UGT2B28: variants seen among roughly 807,000 people sequenced by gnomAD.
The protein encoded by UGT2B28 is UDP-glucuronosyltransferase 2B28.
UGT2B28 carries 45 observed loss-of-function variants against 43.6 expected under a neutral mutation model. That is an observed-to-expected ratio of 1.03 (90% CI 0.81 to 1.32). UGT2B28 has a LOEUF of 1.32. Among genes scored for constraint, UGT2B28 ranks in the 40% most tolerant of loss-of-function variants. The probability of loss-of-function intolerance (pLI) is 0.00; values close to 1 mark genes in which losing one functional copy is unlikely to be tolerated. For missense variants in UGT2B28, 649 were observed against 625.5 expected (o/e 1.04, Z -0.40); for synonymous variants, 204 against 208.1 (o/e 0.98, Z 0.17).
chr4:69,286,763 A>G lies in UGT2B28; in HGVS notation c.882A>G (p.Glu294=), dbSNP rs141618560. 2.7e-5 allele frequency: 42 copies of G among 1,553,956 alleles called. 6 individuals carry two copies. Among genetic ancestry groups the G allele is most frequent in the East Asian group, 1.6e-4 (7 of 43,432 alleles). ...PAKPLPKEME[E]FVQSSGENGV... The stretch of plus-strand genomic sequence containing the variant: ...ATTTTTTTTCACAGGAAATGGAGGA[A>G]TTTGTACAGAGCTCTGGTGAAAATG... The change falls in exon 3 of 6, where the codon GAA becomes GAG. Residue 294 remains glutamate (E), a synonymous_variant. Transcript: ENST00000335568.
Position 69,280,505 on chromosome 4 carries a change from C to G in UGT2B28, c.5C>G (p.Ala2Gly). 6.4e-7 allele frequency: 1 copy of G among 1,553,046 alleles called. No individual in the cohort carries two copies. Among genetic ancestry groups the G allele is most frequent in the Non-Finnish European group, 8.7e-7 (1 of 1,152,992 alleles). Residue 2 changes from alanine (A) to glycine (G), a missense_variant, in exon 1 of 6, where the codon GCT becomes GGT. Transcript: ENST00000335568. ...GAATGATTGCATTGCACCAGGATGG[C>G]TCTGAAGTGGACTTCAGTTCTTCTG... MALKWTSVLLLI... is the reference protein window; with the variant it reads MGLKWTSVLLLI...
Position 69,288,710 on chromosome 4 carries a change from C to T in UGT2B28, c.1003-955C>T, listed in dbSNP as rs1008488290. Among the ~76,000 whole-genome samples, 17 of 138,742 alleles carry T rather than the reference C, an allele frequency of 1.2e-4. 1 individual carries two copies. The highest frequency in any genetic ancestry group is 4.2e-4 in the African/African-American group (15 of 35,392). 91.0% of individuals were successfully genotyped at this position (138,742 alleles called of 152,430 possible). A position where few individuals can be genotyped will look rare whatever the true frequency, so the allele number is the denominator to read the frequency against. On this transcript the variant is annotated intron_variant, in intron 3 of 5. Coordinates refer to ENST00000335568, the MANE Select transcript of UGT2B28 (RefSeq NM_053039.2). ...TCACCCAGGTATTAAGACTAATATT[C>T]GTTTATTATTTTTCCTGATCCTCTC... is the stretch of plus-strand genomic sequence containing the variant.
chr4:69,281,048 A>G lies in UGT2B28; in HGVS notation c.548A>G (p.His183Arg). 1 of 1,559,388 alleles carries G rather than the reference A, an allele frequency of 6.4e-7. No individual in the cohort carries two copies. The highest frequency in any genetic ancestry group is 1.2e-5 in the South Asian group (1 of 84,200). ...ACTCCTGGCTACACAATTGAAAGGC[A>G]CAGTGGAGGACTGATTTTCCCTCCT... ...CFTPGYTIER[H>R]SGGLIFPPSY... The change falls in exon 1 of 6, where the codon CAC becomes CGC. Residue 183 changes from histidine to arginine, a missense_variant. By Grantham distance (29) the His-to-Arg change is conservative. Coordinates refer to ENST00000335568, the MANE Select transcript of UGT2B28 (RefSeq NM_053039.2).
At chr4:69,289,265 T>C (rs1723873832) in intron 3 of UGT2B28, among the ~76,000 whole-genome samples, 1 of 140,096 alleles carries the variant, frequency 7.1e-6, no homozygotes. Flanking sequence ...ATTTTTTGAA[T>C]TTTTAATAAT....
At position 69,286,858 on chromosome 4, in the gene UGT2B28, C is replaced by T; in HGVS notation, c.977C>T (p.Thr326Ile). 3 of 1,556,532 alleles carry T rather than the reference C, an allele frequency of 1.9e-6. No homozygotes were observed. The highest frequency in any genetic ancestry group is 2.6e-6 in the Non-Finnish European group (3 of 1,154,290). Residue 326 changes from threonine to isoleucine, a missense_variant, in exon 3 of 6, where the codon ACA becomes ATA. Coordinates refer to ENST00000335568, the MANE Select transcript of UGT2B28 (RefSeq NM_053039.2). ...MTAERANVIA[T>I]ALAKIPQKVL... ...GCAGAAAGGGCCAACGTAATTGCAA[C>T]AGCCCTTGCCAAGATCCCACAAAAG...
At chr4:69,288,860 C>T (rs1217759024) in intron 3 of UGT2B28, among the ~76,000 whole-genome samples, 1 of 140,066 alleles carries the variant, frequency 7.1e-6, no homozygotes, top group East Asian at 2.0e-4. Flanking sequence ...ATTTCAATTC[C>T]TGTTAGTTTC....
At chr4:69,286,619 C>G (rs1359359814) in intron 2 of UGT2B28, 133 bp from the exon 3 acceptor site, 1 of 1,272,632 alleles carries the variant, frequency 7.9e-7, no homozygotes, top group Admixed American at 2.7e-5. Flanking sequence ...GTGATTGAGT[C>G]AGTTAAAAAA....
Position 69,294,551 on chromosome 4 carries a change from A to T in UGT2B28, c.1332A>T (p.Lys444Asn), listed in dbSNP as rs781334372. 5 of 1,542,656 alleles carry T rather than the reference A, an allele frequency of 3.2e-6. No homozygotes were observed. The highest frequency in any genetic ancestry group is 3.5e-6 in the Non-Finnish European group (4 of 1,148,044). Reference sequence around the variant, plus strand: ...TCAGATATAAAGAGAATGTTATGAAATTATCAATAATTCAACATGATCAAC... The same window carrying T: ...TCAGATATAAAGAGAATGTTATGAATTTATCAATAATTCAACATGATCAAC... ...NDPSYKENVM[K>N]LSIIQHDQPV... Residue 444 changes from lysine (K) to asparagine (N), a missense_variant, in exon 6 of 6, where the codon AAA becomes AAT. Physicochemically the swap from Lys to Asn is moderately conservative, Grantham distance 94 (BLOSUM62 0). Coordinates refer to ENST00000335568, the MANE Select transcript of UGT2B28 (RefSeq NM_053039.2).
chr4:69,281,035 A>G lies in UGT2B28; in HGVS notation c.535A>G (p.Thr179Ala). ...CAGTCTCTGCTTCACTCCTGGCTAC[A>G]CAATTGAAAGGCACAGTGGAGGACT... is the stretch of plus-strand genomic sequence containing the variant. ...VYSLCFTPGYTIERHSGGLIF... is the reference protein window; with the variant it reads ...VYSLCFTPGYAIERHSGGLIF... The change falls in exon 1 of 6, where the codon ACA becomes GCA. Residue 179 changes from threonine to alanine, a missense_variant. Transcript: ENST00000335568. 6.4e-7 allele frequency: 1 copy of G among 1,559,268 alleles called. No homozygotes were observed. The highest frequency in any genetic ancestry group is 8.7e-7 in the Non-Finnish European group (1 of 1,155,294).
At chr4:69,283,071 A>G (rs1204353277) in intron 2 of UGT2B28, among the ~76,000 whole-genome samples, 1 of 140,818 alleles carries the variant, frequency 7.1e-6, no homozygotes, top group Non-Finnish European at 1.5e-5. Context: ...GTAACTAATG[A>G]AAATGTTTTA....
At position 69,293,608 on chromosome 4, in the gene UGT2B28, G is replaced by C. The variant is rs1016988648; in HGVS notation, c.1311-922G>C. On this transcript the variant is annotated intron_variant, in intron 5 of 5. Transcript: ENST00000335568. Reference sequence around the variant, plus strand: ...AAGGGAGAGAAGCATGCCTTGGGTTGCAGCAAGAAAGAGTACTCCAAGAGC... The same window carrying C: ...AAGGGAGAGAAGCATGCCTTGGGTTCCAGCAAGAAAGAGTACTCCAAGAGC... Among the ~76,000 whole-genome samples the C allele has an allele frequency of 5.0e-5, 7 of 139,594 alleles. 1 individual carries two copies. Among genetic ancestry groups the C allele is most frequent in the Non-Finnish European group, 9.1e-5 (6 of 65,628 alleles). The allele number at this position is 139,594 out of a possible 152,430, so 91.6% of individuals were successfully genotyped here.
rs201458677 is a variant in UGT2B28 at position 69,294,680 on chromosome 4, G to A, written c.1461G>A (p.Gln487=). The A allele has an allele frequency of 6.4e-7, 1 of 1,560,322 alleles. No homozygotes were observed. Among genetic ancestry groups the A allele is most frequent in the East Asian group, 2.3e-5 (1 of 43,534 alleles). Residue 487 remains glutamine (Q), a synonymous_variant, in exon 6 of 6, where the codon CAG becomes CAA. Transcript: ENST00000335568. ...CAGCCCGTGACCTCACCTGGTTCCA[G>A]TACCACTCTTTGGATGTGATTGGGT... The part of the protein sequence containing the change: ...RVAARDLTWF[Q]YHSLDVIGFL...
chr4:69,286,966 G>C, intron 3 of UGT2B28, 83 bp downstream of exon 3: 1 of 1,514,214 alleles, frequency 6.6e-7, no homozygotes, highest in Non-Finnish European at 8.8e-7. Flanking sequence ...GAATATTAAG[G>C]CTAGACTGAA....
At position 69,287,385 on chromosome 4, in the gene UGT2B28, T is replaced by C. The variant is rs565202969; in HGVS notation, c.1002+502T>C. Among the ~76,000 whole-genome samples, 7 of 140,982 alleles carry C rather than the reference T, an allele frequency of 5.0e-5. 1 individual carries two copies. In the East Asian group the frequency reaches 1.0e-3, roughly 21 times the overall value. 92.5% of individuals were successfully genotyped at this position (140,982 alleles called of 152,430 possible). On this transcript the variant is annotated intron_variant, in intron 3 of 5. Coordinates refer to ENST00000335568, the MANE Select transcript of UGT2B28 (RefSeq NM_053039.2). ...CTGTTTTCCTAATCTCAGCAGTATC[T>C]AATGAGTGAAGAAGATTTGACTTAC...
chr4:69,290,928 T>C, intron 5 of UGT2B28, 117 bp downstream of exon 5: 1 of 1,276,750 alleles, frequency 7.8e-7, no homozygotes, highest in Non-Finnish European at 1.0e-6. Flanking sequence ...TTAAATGATT[T>C]AACCAATCTG....
intron 5 of UGT2B28, among the ~76,000 whole-genome samples, chr4:69,293,114 T>C (rs1224090655): frequency 4.3e-5 from 6 of 140,734 alleles, no homozygotes; most frequent in Admixed American, 7.1e-5. Context: ...GAATACTACA[T>C]AGCAATGGAA....
rs758637466 is a variant in UGT2B28 at position 69,294,846 on chromosome 4, T to A, written c.*37T>A. On this transcript the variant is annotated 3_prime_UTR_variant, in exon 6 of 6. Transcript: ENST00000335568. ...ATTTGAAGCTGGAAAACCAGATAGATGGGTTGACATCAGTTTATTCCAGCA... is the reference window on the plus strand; with the variant it reads ...ATTTGAAGCTGGAAAACCAGATAGAAGGGTTGACATCAGTTTATTCCAGCA... 6.6e-7 allele frequency: 1 copy of A among 1,519,054 alleles called. No individual in the cohort carries two copies. The highest frequency in any genetic ancestry group is 8.8e-7 in the Non-Finnish European group (1 of 1,135,962). The allele number at this position is 1,519,054 out of a possible 1,614,324, so 94.1% of individuals were successfully genotyped here.
At position 69,281,196 on chromosome 4, in the gene UGT2B28, G is replaced by A. The variant is rs1723598591; in HGVS notation, c.696G>A (p.Trp232Ter). 6.5e-7 allele frequency: 1 copy of A among 1,532,598 alleles called. No individual in the cohort carries two copies. Among genetic ancestry groups the A allele is most frequent in the Non-Finnish European group, 8.7e-7 (1 of 1,144,444 alleles). 94.9% of individuals were successfully genotyped at this position (1,532,598 alleles called of 1,614,324 possible). Residue 232 changes from tryptophan to a stop codon, truncating the protein, a stop_gained, in exon 1 of 6, where the codon TGG becomes TGA. Coordinates refer to ENST00000335568, the MANE Select transcript of UGT2B28 (RefSeq NM_053039.2). LOFTEE classifies it high-confidence loss of function. ...FWFQMCDMKKWDQFYSEVLGR... is the reference protein window; with the variant it reads ...FWFQMCDMKK ...TCCAAATGTGTGATATGAAGAAGTG[G>A]GATCAGTTTTACAGTGAAGTTTTAG...
intron 5 of UGT2B28, among the ~76,000 whole-genome samples, chr4:69,291,403 C>G (rs1184095528): frequency 7.1e-6 from 1 of 140,480 alleles, no homozygotes; most frequent in Non-Finnish European, 1.5e-5. Flanking sequence ...CTGCTTAGTC[C>G]TAGTCTAACA....
Sources: allele counts gnomAD v4.1 joint callset (sites outside exome capture counted in the v4.1 genomes callset), GRCh38; gene constraint gnomAD v4.1.1; transcripts MANE v1.5; gene names NCBI Gene and HGNC (gene_info 2026-07-23, HGNC 2026-07-21).